The following TTC7B variants were observed in gnomAD, a reference collection of about 807,000 sequenced individuals.
TTC7B encodes tetratricopeptide repeat domain 7B.
A neutral mutation model predicts 106.8 loss-of-function variants in TTC7B; 28 were observed. The observed-to-expected ratio is 0.26, with a 90% CI of 0.19 to 0.36. The LOEUF (loss-of-function observed/expected upper bound fraction) is 0.36. TTC7B is among the 10% of genes least tolerant of loss of function. The pLI, the probability that TTC7B is intolerant of heterozygous loss-of-function variation, is 1.00. For missense variants in TTC7B, 862 were observed against 1,076.4 expected (o/e 0.80, Z 2.79); for synonymous variants, 405 against 430.6 (o/e 0.94, Z 0.74).
intron 3 of TTC7B, among the ~76,000 whole-genome samples, chr14:90,758,338 GGGCGGGGCGC>G (rs1383593961): frequency 6.8e-6 from 1 of 146,458 alleles, no homozygotes; most frequent in Non-Finnish European, 1.5e-5. Flanking sequence ...GGGCGGGGCG[GGGCGGGGCGC>G]GGCGGGGCGA....
chr14:90,592,123 T>C (rs1435018457), intron 18 of TTC7B, among the ~76,000 whole-genome samples: 1 of 152,204 alleles, frequency 6.6e-6, no homozygotes. Flanking sequence ...ATGTTTTCAA[T>C]GCGAAGGCCT....
At chr14:90,714,457 A>AT (rs36072608) in intron 5 of TTC7B, among the ~76,000 whole-genome samples, 19,534 of 129,214 alleles carry the variant, frequency 0.15, 1,452 homozygotes, top group African/African-American at 0.21. Flanking sequence ...AGCTGTATAA[A>AT]TTTTTTTTTT....
chr14:90,680,409 C>T, intron 8 of TTC7B, 63 bp downstream of exon 8: 1 of 1,229,526 alleles, frequency 8.1e-7, no homozygotes, highest in South Asian at 1.2e-5. Flanking sequence ...GGCAGAATGG[C>T]TATATCAAAA....
chr14:90,695,483 TCA>T lies in TTC7B; in HGVS notation c.777+15_777+16del. On this transcript the variant is annotated intron_variant, in intron 6 of 19. Transcript: ENST00000328459. ...AAGTGCCCTGCTGGCCTCAATCAAGTCACTGTTCACACTTACCATTCGCAGGT... is the reference window on the plus strand; with the variant it reads ...AAGTGCCCTGCTGGCCTCAATCAAGTCTGTTCACACTTACCATTCGCAGGT... 6.5e-7 allele frequency: 1 copy of T among 1,540,548 alleles called. No individual in the cohort carries two copies. Among genetic ancestry groups the T allele is most frequent in the Non-Finnish European group, 8.8e-7 (1 of 1,139,316 alleles).
intron 18 of TTC7B, among the ~76,000 whole-genome samples, chr14:90,579,025 C>T (rs1315454553): frequency 6.6e-6 from 1 of 152,248 alleles, no homozygotes; most frequent in Non-Finnish European, 1.5e-5. Flanking sequence ...AACCCCTCTG[C>T]AGCCCTGGCC....
rs1595217947 is a variant in TTC7B at position 90,624,304 on chromosome 14, T to G, written c.1752-6259A>C. ...TCTTGAAATAACAACTATGTTTGGA[T>G]AGGGCAGGGCTTAGAAAGAAGACAC... On this transcript the variant is annotated intron_variant, in intron 15 of 19. Transcript: ENST00000328459. The surrounding 1 kb of genome is among the most constrained non-coding windows in gnomAD (Gnocchi z 4.0). 6.6e-6 allele frequency among the ~76,000 whole-genome samples: 1 copy of G among 152,210 alleles called. No homozygotes were observed. The highest frequency in any genetic ancestry group is 1.5e-5 in the Non-Finnish European group (1 of 68,040).
chr14:90,736,770 C>G (rs1014485976), intron 4 of TTC7B, among the ~76,000 whole-genome samples: 1 of 151,252 alleles, frequency 6.6e-6, no homozygotes, highest in African/African-American at 2.4e-5. Flanking sequence ...GTAGTCCCAG[C>G]TAACTGGGAG....
chr14:90,583,168 C>A (rs1416270010), intron 18 of TTC7B, among the ~76,000 whole-genome samples: 1 of 152,164 alleles, frequency 6.6e-6, no homozygotes, highest in South Asian at 2.1e-4. Context: ...GTTGGGAACT[C>A]AGGAAGAAAA....
intron 1 of TTC7B, among the ~76,000 whole-genome samples, chr14:90,800,212 G>A (rs1336106883): frequency 6.6e-6 from 1 of 152,132 alleles, no homozygotes; most frequent in Non-Finnish European, 1.5e-5. Context: ...GGCTACAAAT[G>A]GTTAGGAGGT....
At chr14:90,652,641 T>C (rs1477401145) in intron 13 of TTC7B, among the ~76,000 whole-genome samples, 200 bp downstream of exon 13, 1 of 152,176 alleles carries the variant, frequency 6.6e-6, no homozygotes, top group Non-Finnish European at 1.5e-5. Flanking sequence ...CCCAAATGGA[T>C]AAACAGATTA....
intron 15 of TTC7B, among the ~76,000 whole-genome samples, chr14:90,622,709 G>C (rs989026575): frequency 6.6e-6 from 1 of 152,046 alleles, no homozygotes; most frequent in Non-Finnish European, 1.5e-5. Context: ...CTCTAGCCTG[G>C]GTGAAAGAGT....
At chr14:90,561,242 C>A (rs1183842082) in intron 19 of TTC7B, among the ~76,000 whole-genome samples, 1 of 152,250 alleles carries the variant, frequency 6.6e-6, no homozygotes, top group African/African-American at 2.4e-5. Context: ...GGGCCGGCAG[C>A]TTCTGCTTCA....
intron 9 of TTC7B, among the ~76,000 whole-genome samples, chr14:90,661,468 G>A (rs754195532): frequency 6.6e-6 from 1 of 152,160 alleles, no homozygotes; most frequent in Non-Finnish European, 1.5e-5. Context: ...GACTAAGTAG[G>A]GGAGGACAAG....
rs1889165980 is a variant in TTC7B at position 90,527,096 on chromosome 14, T to C, written c.*14272A>G. The C allele has an allele frequency of 6.6e-6, 1 of 152,118 alleles. No individual in the cohort carries two copies. The highest frequency in any genetic ancestry group is 1.5e-5 in the Non-Finnish European group (1 of 68,034). 9.4% of individuals were successfully genotyped at this position (152,118 alleles called of 1,614,324 possible). ...TTTGGGTTTGTCTGATGTTTTCTCA[T>C]GATTACACTGGAGTTATGGGTTTGG... On this transcript the variant is annotated 3_prime_UTR_variant, in exon 20 of 20. Coordinates refer to ENST00000328459, the MANE Select transcript of TTC7B (RefSeq NM_001010854.2).
intron 5 of TTC7B, among the ~76,000 whole-genome samples, chr14:90,714,000 G>A (rs570051777): frequency 3.9e-4 from 60 of 152,306 alleles, no homozygotes; most frequent in African/African-American, 1.4e-3. Flanking sequence ...GGTGGAGGCA[G>A]GCAGATCACC....
intron 1 of TTC7B, among the ~76,000 whole-genome samples, chr14:90,796,302 C>T (rs186780773): frequency 7.2e-5 from 11 of 152,302 alleles, no homozygotes; most frequent in African/African-American, 2.6e-4. Flanking sequence ...TTAAGTGAGG[C>T]TGCAGTAACT....
At chr14:90,666,271 C>G (rs1206935656) in intron 9 of TTC7B, among the ~76,000 whole-genome samples, 1 of 152,194 alleles carries the variant, frequency 6.6e-6, no homozygotes, top group Non-Finnish European at 1.5e-5. Context: ...AAGTGATTCT[C>G]CTGCCTCAGC....
At chr14:90,778,134 C>G (rs774156140) in intron 3 of TTC7B, among the ~76,000 whole-genome samples, 4 of 152,196 alleles carry the variant, frequency 2.6e-5, no homozygotes, top group African/African-American at 9.7e-5. Flanking sequence ...CTGGAGCCCC[C>G]AGGCTGCTGG....
intron 8 of TTC7B, 26 bp from the exon 9 acceptor site, chr14:90,676,686 A>G (rs1399806347): frequency 6.2e-7 from 1 of 1,610,332 alleles, no homozygotes. Flanking sequence ...ATAGAGAAGC[A>G]GATGGAGAGA....
Sources: gnomAD v4.1 joint callset for allele counts (sites outside exome capture counted in the v4.1 genomes callset) on GRCh38, gnomAD v4.1.1 for gene constraint, Gnocchi (gnomAD v3.1) non-coding constraint, MANE v1.5 for transcripts, NCBI Gene and HGNC (gene_info 2026-07-23, HGNC 2026-07-21) for gene names.